The following EHMT1 variants were observed in gnomAD, a reference collection of about 807,000 sequenced individuals.
The protein encoded by EHMT1 is euchromatic histone lysine methyltransferase 1.
In EHMT1, 15 loss-of-function variants were observed where a neutral mutation model predicts 147.2. That is an observed-to-expected ratio of 0.10 (90% CI 0.07 to 0.16). The LOEUF (loss-of-function observed/expected upper bound fraction) is 0.16, where lower values mean the gene tolerates loss of function less well. EHMT1 is among the 10% of genes least tolerant of loss of function. The pLI is 1.00. For synonymous variants in EHMT1, 795 were observed against 709.6 expected, an observed-to-expected ratio of 1.12 and a Z score of -1.91; for missense variants, 1,587 against 1,772.4, an observed-to-expected ratio of 0.90 and a Z score of 1.88.
chr9:137,765,606 C>G (rs950892521), intron 10 of EHMT1, among the ~76,000 whole-genome samples: 2 of 152,086 alleles, frequency 1.3e-5, no homozygotes, highest in African/African-American at 4.8e-5. Context: ...CTGGTAAACA[C>G]CGCCAAGGTG....
intron 4 of EHMT1, 93 bp downstream of exon 4, chr9:137,728,622 T>C (rs1213849063): frequency 6.5e-7 from 1 of 1,546,940 alleles, no homozygotes; most frequent in East Asian, 2.2e-5. Flanking sequence ...TGTAAGTGCC[T>C]GTGCTGCTCT....
At chr9:137,635,678 G>C (rs180959303) in intron 1 of EHMT1, among the ~76,000 whole-genome samples, 9 of 150,992 alleles carry the variant, frequency 6.0e-5, no homozygotes, top group Non-Finnish European at 8.8e-5. Context: ...AAATTAGTGG[G>C]ACGTGGTGGC....
At chr9:137,783,022 T>G (rs903435442) in intron 15 of EHMT1, among the ~76,000 whole-genome samples, 14 of 152,228 alleles carry the variant, frequency 9.2e-5, no homozygotes, top group Non-Finnish European at 1.6e-4. Context: ...CAGTCTGACT[T>G]CTGATCCTTT....
intron 1 of EHMT1, among the ~76,000 whole-genome samples, chr9:137,624,000 CTTTT>C (rs34882647): frequency 7.6e-6 from 1 of 131,544 alleles, no homozygotes. Context: ...TTCTTTCTTT[CTTTT>C]TTTTTTTTTT....
At chr9:137,710,157 TAAA>T (rs59906024) in intron 1 of EHMT1, among the ~76,000 whole-genome samples, 2 of 138,026 alleles carry the variant, frequency 1.4e-5, no homozygotes, top group African/African-American at 2.6e-5. Context: ...GATTTTTGTG[TAAA>T]AAAAAAAAAA....
chr9:137,715,764 A>C, intron 2 of EHMT1: 1 of 985,412 alleles, frequency 1.0e-6, no homozygotes, highest in Non-Finnish European at 1.2e-6. Context: ...TGCTCCAAGT[A>C]TAAGCCCTTT....
At position 137,787,435 on chromosome 9, in the gene EHMT1, G is replaced by A. The variant is rs1191226869; in HGVS notation, c.2383-3413G>A. Among the ~76,000 whole-genome samples the A allele has an allele frequency of 1.3e-5, 2 of 152,204 alleles. No homozygotes were observed. Among genetic ancestry groups the A allele is most frequent in the East Asian group, 3.9e-4 (2 of 5,186 alleles). ...TCCAGGCTCAGCCCTGCCTCCCACA[G>A]CCTTGCCTCTGGGTGTAGGGGAAAC... On this transcript the variant is annotated intron_variant, in intron 15 of 26. Transcript: ENST00000460843. This position sits in a 1 kb window ranked among gnomAD's most constrained non-coding sequence, Gnocchi z 4.2.
Position 137,634,512 on chromosome 9 carries a change from T to C in EHMT1, c.21+15463T>C, listed in dbSNP as rs934932820. Among the ~76,000 whole-genome samples the C allele has an allele frequency of 2.0e-5, 3 of 152,338 alleles. No individual in the cohort carries two copies. The East Asian group carries it at 5.8e-4, about 29-fold the overall frequency. On this transcript the variant is annotated intron_variant, in intron 1 of 26. Transcript: ENST00000460843. ...CCGTTGATGTATATGTCTGTCCTAA[T>C]GCGAGCATTGTTGCAGCAGTGTAAT...
intron 12 of EHMT1, chr9:137,777,084 C>T: frequency 6.0e-6 from 3 of 498,166 alleles, no homozygotes; most frequent in Non-Finnish European, 1.1e-5. Flanking sequence ...GTTTTCACAG[C>T]ACCCCCATTG....
chr9:137,744,963 CAGTT>C (rs1948424470), intron 6 of EHMT1, among the ~76,000 whole-genome samples: 1 of 152,198 alleles, frequency 6.6e-6, no homozygotes, highest in Admixed American at 6.5e-5. Context: ...TCTGAGGGGT[CAGTT>C]AGGAGTGACG....
rs1243217627 is a variant in EHMT1 at position 137,685,343 on chromosome 9, G to A, written c.22-25624G>A. ...TTAAACCCGATATTTCATGTAAGTG[G>A]AATTATACAATATTTGTCCTTTTGT... On this transcript the variant is annotated intron_variant, in intron 1 of 26. Transcript: ENST00000460843. 2.6e-5 allele frequency: 4 copies of A among 152,202 alleles called. No homozygotes were observed. The East Asian group carries it at 7.7e-4, about 29-fold the overall frequency. 9.4% of individuals were successfully genotyped at this position (152,202 alleles called of 1,614,324 possible).
At position 137,619,056 on chromosome 9, in the gene EHMT1, A is replaced by AGCGGGGCCG. The variant is rs1455373078; in HGVS notation, c.21+14_21+22dup. ...GGCCGCCGCCGATGCCGAGGTGAGC[A>AGCGGGGCCG]GCGGGGCCGGCGGGGGGCGGCGCGG... On this transcript the variant is annotated splice_region_variant and intron_variant, in intron 1 of 26. Transcript: ENST00000460843. The AGCGGGGCCG allele has an allele frequency of 2.2e-4, 201 of 927,592 alleles. No individual in the cohort carries two copies. The African/African-American group carries it at 2.9e-3, about 13-fold the overall frequency. The allele number at this position is 927,592 out of a possible 1,614,324, so 57.5% of individuals were successfully genotyped here.
rs918839777 is a variant in EHMT1 at position 137,782,845 on chromosome 9, G to A, written c.2382+448G>A. Among the ~76,000 whole-genome samples the A allele has an allele frequency of 1.3e-5, 2 of 152,154 alleles. No homozygotes were observed. Among genetic ancestry groups the A allele is most frequent in the African/African-American group, 4.8e-5 (2 of 41,436 alleles). On this transcript the variant is annotated intron_variant, in intron 15 of 26. Transcript: ENST00000460843. This position sits in a 1 kb window ranked among gnomAD's most constrained non-coding sequence, Gnocchi z 5.7. ...TCGTTAATCACTGGCTTGTGTTTCT[G>A]TTGGTTGAGTTGACTCTGCCACCTG...
chr9:137,699,805 C>T (rs1293618739), intron 1 of EHMT1, among the ~76,000 whole-genome samples: 1 of 152,198 alleles, frequency 6.6e-6, no homozygotes, highest in East Asian at 1.9e-4. Flanking sequence ...GCTGTGGTTG[C>T]ACCACTGCAC....
rs113755554 is a variant in EHMT1, at chr9:137,782,161, C to T, written c.2276-130C>T. 2.7e-3 allele frequency: 2,195 copies of T among 810,274 alleles called. 33 individuals carry two copies. The African/African-American group carries it at 0.034, about 12-fold the overall frequency. The allele number at this position is 810,274 out of a possible 1,614,324, so 50.2% of individuals were successfully genotyped here. ...AGAGGATGGTGCTGTGGGCGGGTTC[C>T]GGCGTGGCTCGAGGTGGCTGTTTAT... On this transcript the variant is annotated intron_variant, in intron 14 of 26. Transcript: ENST00000460843. This position sits in a 1 kb window ranked among gnomAD's most constrained non-coding sequence, Gnocchi z 5.7.
intron 1 of EHMT1, among the ~76,000 whole-genome samples, chr9:137,657,597 A>G (rs1309876904): frequency 6.6e-6 from 1 of 151,774 alleles, no homozygotes; most frequent in African/African-American, 2.4e-5. Context: ...TGATACAAGC[A>G]TACAGTGCAT....
At chr9:137,639,033 A>C in intron 1 of EHMT1, among the ~76,000 whole-genome samples, 1 of 152,062 alleles carries the variant, frequency 6.6e-6, no homozygotes, top group East Asian at 1.9e-4. Context: ...CTTCCTATAA[A>C]TGTTGATATG....
chr9:137,765,284 C>A (rs1173112321), intron 10 of EHMT1, among the ~76,000 whole-genome samples: 1 of 152,180 alleles, frequency 6.6e-6, no homozygotes, highest in African/African-American at 2.4e-5. Flanking sequence ...GAATAAATAG[C>A]TACTTGTCTT....
chr9:137,646,610 G>A (rs1402886021), intron 1 of EHMT1, among the ~76,000 whole-genome samples: 1 of 151,756 alleles, frequency 6.6e-6, no homozygotes, highest in Non-Finnish European at 1.5e-5. Flanking sequence ...CGTGCATGTG[G>A]GCTGGGGTGG....
Sources: gnomAD v4.1 joint callset for allele counts (sites outside exome capture counted in the v4.1 genomes callset) on GRCh38, gnomAD v4.1.1 for gene constraint, Gnocchi (gnomAD v3.1) non-coding constraint, MANE v1.5 for transcripts, NCBI Gene and HGNC (gene_info 2026-07-23, HGNC 2026-07-21) for gene names.